Variants in ALG12 observed in about 807,000 individuals in gnomAD.
The protein encoded by ALG12 is dol-P-Man:Man(7)GlcNAc(2)-PP-Dol alpha-1,6-mannosyltransferase.
A neutral mutation model predicts 46.0 loss-of-function variants in ALG12; 36 were observed. The ratio of observed to expected loss-of-function variants is 0.78; its 90% CI spans 0.60 to 1.03. The LOEUF (loss-of-function observed/expected upper bound fraction) is 1.03. ALG12 is among the 50% of genes least tolerant of loss of function. The pLI is 0.00. For missense variants in ALG12, 599 were observed against 633.5 expected, an observed-to-expected ratio of 0.95 and a Z score of 0.58; for synonymous variants, 326 against 291.6, an observed-to-expected ratio of 1.12 and a Z score of -1.20.
the ALG12 span, chr22:49,889,144 G>T: frequency 6.0e-6 from 1 of 167,036 alleles, no homozygotes; most frequent in African/African-American, 2.4e-5. Flanking sequence ...CTAGTTCCTG[G>T]AATGCAACAG....
the ALG12 span, chr22:49,889,109 T>C: frequency 1.8e-5 from 3 of 167,256 alleles, no homozygotes; most frequent in Non-Finnish European, 4.4e-5. Flanking sequence ...TGAGATGAAG[T>C]GCCCTCCCTT....
the ALG12 span, chr22:49,885,240 C>T: frequency 6.2e-7 from 1 of 1,606,784 alleles, no homozygotes; most frequent in East Asian, 2.2e-5. Context: ...CTCCGTATGC[C>T]ACTTTGGCCT....
chr22:49,881,718 G>C, the ALG12 span, among the ~76,000 whole-genome samples: 1 of 152,088 alleles, frequency 6.6e-6, no homozygotes, highest in Non-Finnish European at 1.5e-5. Flanking sequence ...GTTTTGTAGA[G>C]AACAGGGTCT....
At chr22:49,909,151 G>A (rs2060560874) in intron 6 of ALG12, 93 bp downstream of exon 6, 6 of 1,303,794 alleles carry the variant, frequency 4.6e-6, no homozygotes, top group Admixed American at 1.7e-5. Flanking sequence ...CTGCAGAGAA[G>A]GGAGAAGCAG....
chr22:49,880,840 T>C, the ALG12 span, among the ~76,000 whole-genome samples: 88 of 152,196 alleles, frequency 5.8e-4, no homozygotes, highest in Non-Finnish European at 9.3e-4. Flanking sequence ...GATGTCAACA[T>C]TGAGTTTTCT....
downstream of ALG12, among the ~76,000 whole-genome samples, chr22:49,898,368 GTCT>G (rs1276696619): frequency 6.6e-6 from 1 of 151,718 alleles, no homozygotes; most frequent in Non-Finnish European, 1.5e-5. Flanking sequence ...TTTGTGGTTT[GTCT>G]TCTTATTCTC....
chr22:49,912,575 C>T (rs1159910228), intron 3 of ALG12, among the ~76,000 whole-genome samples: 11 of 152,328 alleles, frequency 7.2e-5, no homozygotes, highest in Admixed American at 7.2e-4. Flanking sequence ...AGCAGAACTG[C>T]TCCTTCCCCA....
the ALG12 span, among the ~76,000 whole-genome samples, chr22:49,873,753 C>T: frequency 6.6e-6 from 1 of 152,202 alleles, no homozygotes; most frequent in Non-Finnish European, 1.5e-5. Flanking sequence ...CCAAGAAAGG[C>T]TCAGAGAGAG....
chr22:49,899,058 G>A (rs892084454), downstream of ALG12, among the ~76,000 whole-genome samples: 3 of 152,162 alleles, frequency 2.0e-5, no homozygotes, highest in African/African-American at 7.2e-5. Context: ...GGAAGGCCAA[G>A]GCAAGCGGAT....
At chr22:49,909,413 C>T in intron 5 of ALG12, 66 bp from the exon 6 acceptor site, 1 of 1,461,194 alleles carries the variant, frequency 6.8e-7, no homozygotes, top group Non-Finnish European at 9.5e-7. Flanking sequence ...CGCCACAATG[C>T]AGCCCCCATC....
chr22:49,905,909 C>G lies in ALG12; in HGVS notation c.993-1403G>C, dbSNP rs1838167064. Among the ~76,000 whole-genome samples, 1 of 152,164 alleles carries G rather than the reference C, an allele frequency of 6.6e-6. No homozygotes were observed. The highest frequency in any genetic ancestry group is 1.5e-5 in the Non-Finnish European group (1 of 68,020). On this transcript the variant is annotated intron_variant, in intron 7 of 9. Coordinates refer to ENST00000330817, the MANE Select transcript of ALG12 (RefSeq NM_024105.4). The surrounding 1 kb of genome is among the most constrained non-coding windows in gnomAD (Gnocchi z 4.9). ...ACTGCCAGGGCGTTCGTCCTTTGTT[C>G]CCGCCCAAACCTGGAGTGGGCAGTC... is the stretch of plus-strand genomic sequence containing the variant.
chr22:49,883,851 G>C, the ALG12 span: 4 of 1,609,206 alleles, frequency 2.5e-6, no homozygotes, highest in Non-Finnish European at 3.4e-6. Flanking sequence ...GCCTCGGTGG[G>C]ACGGGTTGCA....
At chr22:49,873,509 C>A in the ALG12 span, among the ~76,000 whole-genome samples, 2 of 152,098 alleles carry the variant, frequency 1.3e-5, no homozygotes, top group Non-Finnish European at 2.9e-5. Context: ...ATAACAGATA[C>A]CATGATAATG....
At chr22:49,915,324 T>C (rs758726883) in intron 1 of ALG12, among the ~76,000 whole-genome samples, 1 of 152,086 alleles carries the variant, frequency 6.6e-6, no homozygotes, top group Non-Finnish European at 1.5e-5. Flanking sequence ...TTCGGGAGGC[T>C]GAGGTGGGTG....
the ALG12 span, among the ~76,000 whole-genome samples, chr22:49,861,637 A>G: frequency 9.2e-5 from 14 of 152,054 alleles, no homozygotes; most frequent in African/African-American, 2.9e-4. Context: ...GAGTCTCACT[A>G]TGTTACCCAG....
chr22:49,910,613 C>T lies in ALG12; in HGVS notation c.296-6G>A. The stretch of plus-strand genomic sequence containing the variant: ...GAGTCCAAGCACTCCTCTAACTAAA[C>T]AAAGACAGTGACAGCACCTGAGCCT... On this transcript the variant is annotated splice_region_variant and splice_polypyrimidine_tract_variant and intron_variant, in intron 3 of 9. Transcript: ENST00000330817. 1 of 1,614,068 alleles carries T rather than the reference C, an allele frequency of 6.2e-7. No individual in the cohort carries two copies. Among genetic ancestry groups the T allele is most frequent in the East Asian group, 2.2e-5 (1 of 44,890 alleles).
chr22:49,859,813 C>T, the ALG12 span, among the ~76,000 whole-genome samples: 3 of 152,184 alleles, frequency 2.0e-5, no homozygotes, highest in African/African-American at 7.2e-5. Flanking sequence ...ACCACTTGAG[C>T]TCAGGAGTTC....
chr22:49,914,294 C>A (rs2060598085), intron 1 of ALG12, among the ~76,000 whole-genome samples: 1 of 152,196 alleles, frequency 6.6e-6, no homozygotes, highest in African/African-American at 2.4e-5. Flanking sequence ...TGGACAGGGG[C>A]CCCGGGAGGG....
chr22:49,873,681 CGGTGATATGA>C, the ALG12 span, among the ~76,000 whole-genome samples: 1,479 of 141,406 alleles, frequency 0.01, 16 homozygotes, highest in South Asian at 0.068. Flanking sequence ...AAGCGAGGTG[CGGTGATATGA>C]GGTGATATGA....
Sources: gnomAD v4.1 joint callset for allele counts (sites outside exome capture counted in the v4.1 genomes callset) on GRCh38, gnomAD v4.1.1 for gene constraint, Gnocchi (gnomAD v3.1) non-coding constraint, MANE v1.5 for transcripts, NCBI Gene and HGNC (gene_info 2026-07-23, HGNC 2026-07-21) for gene names.